The following VEZT variants were observed in gnomAD, a reference collection of about 807,000 sequenced individuals.
VEZT encodes the protein vezatin, adherens junctions transmembrane protein, also known as vezatin.
Under a neutral mutation model 79.9 loss-of-function variants are expected in VEZT, and 39 were observed. The ratio of observed to expected loss-of-function variants is 0.49; its 90% CI spans 0.38 to 0.64. VEZT has a LOEUF of 0.64. Ranked by LOEUF, VEZT falls within the 30% of genes least tolerant of loss-of-function variation. VEZT has a pLI of 0.00. For missense variants in VEZT, 837 were observed against 893.1 expected (o/e 0.94, Z 0.80); for synonymous variants, 325 against 327.6 (o/e 0.99, Z 0.09).
At chr12:95,273,540 AT>A (rs2138905104) in intron 6 of VEZT, among the ~76,000 whole-genome samples, 1 of 152,300 alleles carries the variant, frequency 6.6e-6, no homozygotes, top group South Asian at 2.1e-4. Flanking sequence ...TACCTCATGA[AT>A]TTTGAATCCT....
chr12:95,241,017 GTTTT>G (rs2060937856), intron 1 of VEZT, among the ~76,000 whole-genome samples: 1 of 151,754 alleles, frequency 6.6e-6, no homozygotes, highest in South Asian at 2.1e-4. Context: ...CCACCCCACA[GTTTT>G]TTGGGGATTT....
At chr12:95,244,779 T>TG (rs1247407961) in intron 1 of VEZT, among the ~76,000 whole-genome samples, 3 of 85,314 alleles carry the variant, frequency 3.5e-5, no homozygotes, top group African/African-American at 5.6e-5. Context: ...TTTTGGTGTG[T>TG]TTTTTTTTTT....
chr12:95,287,947 T>C, intron 9 of VEZT, 90 bp downstream of exon 9: 1 of 1,147,614 alleles, frequency 8.7e-7, no homozygotes, highest in South Asian at 2.4e-5. Flanking sequence ...CTTGTCTTTA[T>C]GATGAAACTA....
intron 1 of VEZT, among the ~76,000 whole-genome samples, chr12:95,237,653 A>G (rs1166439513): frequency 1.3e-5 from 2 of 152,168 alleles, no homozygotes; most frequent in African/African-American, 4.8e-5. Context: ...TGTTTTTATT[A>G]TCTTGTTCAT....
intron 9 of VEZT, among the ~76,000 whole-genome samples, chr12:95,292,844 G>GC (rs1201564196): frequency 1.6e-5 from 2 of 128,452 alleles, no homozygotes; most frequent in Admixed American, 8.0e-5. Context: ...ACTGTACCTG[G>GC]CCCTTTTTTT....
chr12:95,300,647 A>G lies in VEZT; in HGVS notation c.2314A>G (p.Asn772Asp), dbSNP rs1300690188. Residue 772 changes from asparagine to aspartate, a missense_variant, in exon 12 of 12, where the codon AAT (asparagine) becomes GAT (aspartate). Transcript: ENST00000436874. Reference sequence around the variant, plus strand: ...GGAGGAAGAACAAATAATAGAAGAAAATAAAAATGAGATAGAAGAAAAGTA... The same window carrying G: ...GGAGGAAGAACAAATAATAGAAGAAGATAAAAATGAGATAGAAGAAAAGTA... Reference protein sequence around the residue: ...GEEEEQIIEENKNEIEEK With the variant: ...GEEEEQIIEEDKNEIEEK 1.3e-6 allele frequency: 2 copies of G among 1,589,762 alleles called. No homozygotes were observed. The highest frequency in any genetic ancestry group is 4.5e-5 in the East Asian group (2 of 44,428).
intron 7 of VEZT, among the ~76,000 whole-genome samples, chr12:95,280,809 G>T (rs867644832): frequency 4.8e-4 from 73 of 151,940 alleles, no homozygotes; most frequent in African/African-American, 1.7e-3. Context: ...ACGAACAAAA[G>T]AATAAAAATC....
chr12:95,263,905 G>C (rs964583858), intron 4 of VEZT: 1 of 151,932 alleles, frequency 6.6e-6, no homozygotes, highest in Non-Finnish European at 1.5e-5. Flanking sequence ...AACTATTTGG[G>C]TCTAGAGCAG....
intron 9 of VEZT, among the ~76,000 whole-genome samples, chr12:95,288,063 G>T (rs535566405): frequency 5.3e-4 from 81 of 152,144 alleles, no homozygotes; most frequent in African/African-American, 1.9e-3. Context: ...AAATGAATAT[G>T]ATTTGAAAGT....
chr12:95,268,291 C>A (rs10859864), intron 5 of VEZT, among the ~76,000 whole-genome samples: 1 of 151,842 alleles, frequency 6.6e-6, no homozygotes, highest in Non-Finnish European at 1.5e-5. Flanking sequence ...GTCAGGAGAT[C>A]GTAGCTATCC....
intron 6 of VEZT, among the ~76,000 whole-genome samples, chr12:95,270,676 C>T (rs370358867): frequency 1.3e-5 from 2 of 152,142 alleles, no homozygotes; most frequent in Non-Finnish European, 2.9e-5. Flanking sequence ...TTGCTTTAGT[C>T]GTGTTTAAAA....
At chr12:95,229,767 G>A (rs1247938578) in intron 1 of VEZT, among the ~76,000 whole-genome samples, 1 of 152,154 alleles carries the variant, frequency 6.6e-6, no homozygotes, top group Non-Finnish European at 1.5e-5. Context: ...AAAGCTCAGT[G>A]TACTCGACAG....
chr12:95,235,688 C>T (rs1250742524), intron 1 of VEZT, among the ~76,000 whole-genome samples: 3 of 150,580 alleles, frequency 2.0e-5, no homozygotes, highest in Admixed American at 6.6e-5. Context: ...ACCTCCCTCC[C>T]GGACGGGGCG....
rs149135491 is a variant in VEZT at position 95,225,861 on chromosome 12, G to C, written c.36+7975G>C. ...CAAATGAAAGAACAAGGCCAGCAGTGGGGGGATCACTTGAGGCCAGCAGTT... is the reference window on the plus strand; with the variant it reads ...CAAATGAAAGAACAAGGCCAGCAGTCGGGGGATCACTTGAGGCCAGCAGTT... On this transcript the variant is annotated intron_variant, in intron 1 of 11. Transcript: ENST00000436874. 3.4e-3 allele frequency among the ~76,000 whole-genome samples: 508 copies of C among 151,442 alleles called. 1 individual carries two copies. Among genetic ancestry groups the C allele is most frequent in the African/African-American group, 0.012 (477 of 41,286 alleles).
intron 9 of VEZT, among the ~76,000 whole-genome samples, chr12:95,289,121 T>G (rs2071905527): frequency 7.0e-6 from 1 of 143,110 alleles, no homozygotes; most frequent in Non-Finnish European, 1.5e-5. Flanking sequence ...AATAAATAAA[T>G]AAATAAATAA....
chr12:95,278,766 T>C (rs535553216), intron 7 of VEZT, among the ~76,000 whole-genome samples: 31 of 152,326 alleles, frequency 2.0e-4, no homozygotes, highest in Admixed American at 4.6e-4. Flanking sequence ...ATATTTCTTA[T>C]CCAGGCGTGA....
Position 95,266,520 on chromosome 12 carries a change from T to C in VEZT, c.598T>C (p.Tyr200His). 2 of 1,613,918 alleles carry C rather than the reference T, an allele frequency of 1.2e-6. No individual in the cohort carries two copies. The highest frequency in any genetic ancestry group is 1.1e-5 in the South Asian group (1 of 91,080). ...CAAACTACAAGTGACCCTAAAAAAA[T>C]ACAGCGTTCATTTGGAAGATATGGC... ...TAKLQVTLKK[Y>H]SVHLEDMATN... Residue 200 changes from tyrosine to histidine, a missense_variant, in exon 5 of 12, where the codon TAC becomes CAC. Tyr to His is a moderately conservative substitution (Grantham distance 83). Coordinates refer to ENST00000436874, the MANE Select transcript of VEZT (RefSeq NM_017599.4).
At chr12:95,275,690 G>A (rs1351205149) in intron 7 of VEZT, 1 of 148,184 alleles carries the variant, frequency 6.7e-6, no homozygotes, top group Non-Finnish European at 1.5e-5. Context: ...TTTTTTTTAT[G>A]CAGAGCACTC....
At chr12:95,280,132 TC>T (rs1382804547) in intron 7 of VEZT, among the ~76,000 whole-genome samples, 1 of 152,120 alleles carries the variant, frequency 6.6e-6, no homozygotes, top group Non-Finnish European at 1.5e-5. Flanking sequence ...TTTCTCCACT[TC>T]TACTCTCATT....
Sources: gnomAD v4.1 joint callset for allele counts (sites outside exome capture counted in the v4.1 genomes callset) on GRCh38, gnomAD v4.1.1 for gene constraint, MANE v1.5 for transcripts, NCBI Gene and HGNC (gene_info 2026-07-23, HGNC 2026-07-21) for gene names.